PRR14L: variants seen among roughly 807,000 people sequenced by gnomAD.
The protein encoded by PRR14L is proline rich 14 like, also known as protein PRR14L.
A neutral mutation model predicts 155.0 loss-of-function variants in PRR14L; 80 were observed. The observed-to-expected ratio is 0.52, with a 90% confidence interval of 0.43 to 0.62. The LOEUF is 0.62. Among genes scored for constraint, PRR14L ranks in the 20% least tolerant of loss-of-function variants. PRR14L has a pLI of 0.00. For missense variants in PRR14L, 2,469 were observed against 2,548.0 expected (o/e 0.97, Z 0.67); for synonymous variants, 883 against 916.0 (o/e 0.96, Z 0.65).
At chr22:31,735,516 G>A (rs1207303043) in intron 2 of PRR14L, among the ~76,000 whole-genome samples, 1 of 151,096 alleles carries the variant, frequency 6.6e-6, no homozygotes, top group Non-Finnish European at 1.5e-5. Context: ...GTATGTATAT[G>A]TATGCATATA....
intron 4 of PRR14L, among the ~76,000 whole-genome samples, chr22:31,706,893 T>C (rs1415306520): frequency 6.6e-6 from 1 of 151,928 alleles, no homozygotes; most frequent in Non-Finnish European, 1.5e-5. Flanking sequence ...CTACTAAAAA[T>C]ACAAAATTAG....
Position 31,714,433 on chromosome 22 carries a change from C to T in PRR14L, c.3406G>A (p.Val1136Ile), listed in dbSNP as rs866207796. The T allele has an allele frequency of 1.5e-5, 23 of 1,551,478 alleles. No homozygotes were observed. The Middle Eastern group carries it at 5.0e-4, about 34-fold the overall frequency. ...TCACAGTCTTTTAAAGATCTGCATA[C>T]GTTTTCTTCACATGATTTTTTTATT... is the stretch of plus-strand genomic sequence containing the variant. ...LKIKKSCEEN[V>I]CRSLKDCEME... The change falls in exon 4 of 9, where the codon GTA becomes ATA. Residue 1136 changes from valine to isoleucine, a missense_variant. Val to Ile is a conservative substitution (Grantham distance 29). Coordinates refer to ENST00000327423, the MANE Select transcript of PRR14L (RefSeq NM_173566.3).
intron 7 of PRR14L, among the ~76,000 whole-genome samples, chr22:31,688,654 T>TTA (rs2074494763): frequency 6.6e-6 from 1 of 152,106 alleles, no homozygotes; most frequent in South Asian, 2.1e-4. Context: ...ATATTTAGAT[T>TTA]TATATATATT....
chr22:31,701,149 C>T (rs949126472), intron 7 of PRR14L, among the ~76,000 whole-genome samples: 8 of 152,064 alleles, frequency 5.3e-5, no homozygotes, highest in East Asian at 1.9e-4. Flanking sequence ...CCACCAAGCC[C>T]GGCTAATTTT....
chr22:31,712,012 T>TTCCCCTCTCATC, intron 4 of PRR14L, 71 bp downstream of exon 4: 5 of 1,396,318 alleles, frequency 3.6e-6, no homozygotes, highest in Non-Finnish European at 4.9e-6. Flanking sequence ...TTTCCCGCAG[T>TTCCCCTCTCATC]TCCCCTCTCA....
chr22:31,700,067 T>TGTC (rs1482170503), intron 7 of PRR14L, among the ~76,000 whole-genome samples: 1 of 152,236 alleles, frequency 6.6e-6, no homozygotes, highest in East Asian at 1.9e-4. Flanking sequence ...CGCCAGACAC[T>TGTC]GAGACAGTAA....
intron 7 of PRR14L, among the ~76,000 whole-genome samples, chr22:31,696,439 T>C (rs971689927): frequency 1.3e-5 from 2 of 151,852 alleles, no homozygotes; most frequent in African/African-American, 4.8e-5. Flanking sequence ...GCGCCTCGCC[T>C]TATTATTAAT....
chr22:31,728,513 T>C (rs1431401498), intron 2 of PRR14L, among the ~76,000 whole-genome samples: 4 of 150,838 alleles, frequency 2.7e-5, no homozygotes, highest in South Asian at 2.1e-4. Flanking sequence ...CTCTGGAGGC[T>C]GAGGCAGGAG....
intron 7 of PRR14L, among the ~76,000 whole-genome samples, chr22:31,693,932 T>C (rs903529330): frequency 5.3e-5 from 8 of 152,212 alleles, no homozygotes; most frequent in African/African-American, 1.9e-4. Flanking sequence ...TTTAAGTATA[T>C]CTTGCTTCAT....
rs1348779633 is a variant in PRR14L, at chr22:31,716,010, T to G, written c.1829A>C (p.Glu610Ala). 2 of 1,551,000 alleles carry G rather than the reference T, an allele frequency of 1.3e-6. No homozygotes were observed. Among genetic ancestry groups the G allele is most frequent in the Admixed American group, 2.0e-5 (1 of 50,996 alleles). ...ATCATGTGAGGTCTGTATAACTTTT[T>G]CTGACTCAGGTCTGTAATCAAATTC... ...SPEFDYRPES[E>A]KVIQTSHDDI... The change falls in exon 4 of 9, where the codon GAA (glutamate) becomes GCA (alanine). Residue 610 changes from glutamate (E) to alanine (A), a missense_variant. Glu to Ala is a moderately radical substitution (Grantham distance 107, BLOSUM62 -1). Coordinates refer to ENST00000327423, the MANE Select transcript of PRR14L (RefSeq NM_173566.3).
rs540552404 is a variant in PRR14L, at chr22:31,712,144, C to T, written c.5695G>A (p.Glu1899Lys). The T allele has an allele frequency of 6.8e-6, 11 of 1,614,010 alleles. No homozygotes were observed. The highest frequency in any genetic ancestry group is 5.3e-5 in the African/African-American group (4 of 75,004). Residue 1899 changes from glutamate (E) to lysine (K), a missense_variant, in exon 4 of 9, where the codon GAA becomes AAA. Around this residue, in one of 2 missense-constraint regions of PRR14L, gnomAD observed 2,363 missense variants for 2,371.6 expected, o/e 1.00. Coordinates refer to ENST00000327423, the MANE Select transcript of PRR14L (RefSeq NM_173566.3). ...TGAGGGGAATGAAGAGAAGAGATTT[C>T]GAAGGAGCAGACAGAAGGACCATGC... The part of the protein sequence containing the change: ...SQHGPSVCSF[E>K]ISSLHSPHCK...
At chr22:31,692,826 A>AGAG in intron 7 of PRR14L, among the ~76,000 whole-genome samples, 1 of 151,974 alleles carries the variant, frequency 6.6e-6, no homozygotes, top group Admixed American at 6.6e-5. Context: ...TTATTTTTGT[A>AGAG]GAGACAGGGT....
At chr22:31,706,488 G>C (rs894886405) in intron 4 of PRR14L, among the ~76,000 whole-genome samples, 1 of 148,578 alleles carries the variant, frequency 6.7e-6, no homozygotes, top group African/African-American at 2.5e-5. Context: ...GCAGTGGCGC[G>C]ATCTCATCTC....
At position 31,683,115 on chromosome 22, in the gene PRR14L, A is replaced by G. The variant is rs900840461; in HGVS notation, c.*2412T>C. On this transcript the variant is annotated 3_prime_UTR_variant, in exon 9 of 9. Transcript: ENST00000327423. Reference sequence around the variant, plus strand: ...GGCCTCACAACAACTCCTCTCCTACATTGTCAGGACAGGGAAGGAGCCCAG... The same window carrying G: ...GGCCTCACAACAACTCCTCTCCTACGTTGTCAGGACAGGGAAGGAGCCCAG... 39 of 152,246 alleles carry G rather than the reference A, an allele frequency of 2.6e-4. No homozygotes were observed. The highest frequency in any genetic ancestry group is 9.4e-4 in the African/African-American group (39 of 41,518). The allele number at this position is 152,246 out of a possible 1,614,324, so 9.4% of individuals were successfully genotyped here.
intron 4 of PRR14L, among the ~76,000 whole-genome samples, chr22:31,710,683 T>C (rs2074616220): frequency 1.3e-5 from 2 of 152,092 alleles, no homozygotes; most frequent in African/African-American, 2.4e-5. Context: ...CTCGATCTCC[T>C]GACCTCGTGA....
At chr22:31,744,376 G>A (rs924436622) in intron 1 of PRR14L, among the ~76,000 whole-genome samples, 1 of 152,144 alleles carries the variant, frequency 6.6e-6, no homozygotes, top group Non-Finnish European at 1.5e-5. Context: ...CAGGTGATCA[G>A]TCCGCCTTGG....
chr22:31,741,779 G>A (rs1044585625), intron 1 of PRR14L, among the ~76,000 whole-genome samples: 10 of 150,852 alleles, frequency 6.6e-5, no homozygotes, highest in African/African-American at 2.4e-4. Flanking sequence ...GGCTGAGGCA[G>A]AAGAATTGCT....
Position 31,738,363 on chromosome 22 carries a change from C to T in PRR14L, c.474+24G>A, listed in dbSNP as rs572712397. 26 of 1,532,970 alleles carry T rather than the reference C, an allele frequency of 1.7e-5. No homozygotes were observed. In the South Asian group the frequency reaches 2.4e-4, roughly 14 times the overall value. 95.0% of individuals were successfully genotyped at this position (1,532,970 alleles called of 1,614,324 possible). On this transcript the variant is annotated intron_variant, in intron 2 of 8. Coordinates refer to ENST00000327423, the MANE Select transcript of PRR14L (RefSeq NM_173566.3). ...AAGCTGTCATTCACACTCAACTCTT[C>T]GGAATGGAGATTTCATTTCTTACCT...
Position 31,716,431 on chromosome 22 carries a change from C to T in PRR14L, c.1408G>A (p.Val470Ile), listed in dbSNP as rs1410312310. The T allele has an allele frequency of 1.3e-6, 2 of 1,551,232 alleles. No individual in the cohort carries two copies. Among genetic ancestry groups the T allele is most frequent in the East Asian group, 2.4e-5 (1 of 40,924 alleles). ...TTCAAATCATTTTTATTTAACATTA[C>T]TTCTGTGGCTTCAGTAAAAGAATTG... ...MPNSFTEATE[V>I]MLNKNDLKIT... Residue 470 changes from valine (V) to isoleucine (I), a missense_variant, in exon 4 of 9, where the codon GTA (valine) becomes ATA (isoleucine). Transcript: ENST00000327423.
Sources: allele counts gnomAD v4.1 joint callset (sites outside exome capture counted in the v4.1 genomes callset), GRCh38; gene constraint gnomAD v4.1.1; regional missense constraint gnomAD v4.1.1; transcripts MANE v1.5; gene names NCBI Gene and HGNC (gene_info 2026-07-23, HGNC 2026-07-21).